Variants in ATP13A5 observed in about 807,000 individuals in gnomAD.
ATP13A5 encodes the protein ATPase 13A5.
Under a neutral mutation model 150.2 loss-of-function variants are expected in ATP13A5, and 149 were observed. The observed-to-expected ratio is 0.99, with a 90% CI of 0.87 to 1.14. The LOEUF is 1.14. Among genes scored for constraint, ATP13A5 ranks in the 50% most tolerant of loss-of-function variants. ATP13A5 has a pLI of 0.00. For missense variants in ATP13A5, 1,383 were observed against 1,449.3 expected (o/e 0.95, Z 0.74); for synonymous variants, 497 against 522.2 (o/e 0.95, Z 0.66).
chr3:193,319,217 G>T, intron 16 of ATP13A5, 109 bp from the exon 17 acceptor site: 1 of 757,650 alleles, frequency 1.3e-6, no homozygotes, highest in South Asian at 2.0e-5. Flanking sequence ...TTCCATAAAA[G>T]CACTTTAATA....
At chr3:193,371,716 C>G (rs1047917332) in intron 1 of ATP13A5, among the ~76,000 whole-genome samples, 9 of 152,172 alleles carry the variant, frequency 5.9e-5, no homozygotes, top group Admixed American at 5.2e-4. Context: ...GTAGAACCTC[C>G]CTTGCATCAG....
intron 26 of ATP13A5, among the ~76,000 whole-genome samples, chr3:193,287,203 T>G (rs1347645679): frequency 1.3e-5 from 2 of 152,144 alleles, no homozygotes; most frequent in Non-Finnish European, 2.9e-5. Context: ...CAAGTCTTGA[T>G]GTAGCAGCTG....
chr3:193,330,296 A>G (rs1200899214), intron 12 of ATP13A5, among the ~76,000 whole-genome samples: 1 of 152,214 alleles, frequency 6.6e-6, no homozygotes, highest in Non-Finnish European at 1.5e-5. Context: ...TTTCTCAGCT[A>G]GACTAGAAGC....
At chr3:193,326,593 T>G (rs1719474106) in intron 13 of ATP13A5, among the ~76,000 whole-genome samples, 1 of 152,202 alleles carries the variant, frequency 6.6e-6, no homozygotes, top group Non-Finnish European at 1.5e-5. Flanking sequence ...TAGTAACAAT[T>G]TTCATGGCCT....
chr3:193,286,148 C>T (rs1180285497), intron 26 of ATP13A5, among the ~76,000 whole-genome samples: 1 of 152,062 alleles, frequency 6.6e-6, no homozygotes, highest in South Asian at 2.1e-4. Flanking sequence ...AATAATTAAA[C>T]CTACAAATTA....
chr3:193,362,045 G>C (rs1243993045), intron 5 of ATP13A5, among the ~76,000 whole-genome samples: 1 of 152,088 alleles, frequency 6.6e-6, no homozygotes, highest in Admixed American at 6.6e-5. Context: ...TTGTCATTCT[G>C]TCTCTCCCAG....
chr3:193,361,125 A>G (rs1304163740), intron 5 of ATP13A5, among the ~76,000 whole-genome samples: 1 of 152,236 alleles, frequency 6.6e-6, no homozygotes, highest in Non-Finnish European at 1.5e-5. Flanking sequence ...TCTATCAACT[A>G]GAATTCTTAA....
intron 5 of ATP13A5, among the ~76,000 whole-genome samples, chr3:193,359,837 G>A (rs1217011434): frequency 6.6e-6 from 1 of 152,028 alleles, no homozygotes; most frequent in Non-Finnish European, 1.5e-5. Context: ...TGGTGGTGGT[G>A]CAGGGGGGCT....
chr3:193,324,878 C>T lies in ATP13A5; in HGVS notation c.1660G>A (p.Glu554Lys), dbSNP rs1719415118. 1 of 1,613,896 alleles carries T rather than the reference C, an allele frequency of 6.2e-7. No homozygotes were observed. Among genetic ancestry groups the T allele is most frequent in the South Asian group, 1.1e-5 (1 of 91,052 alleles). The change falls in exon 14 of 30, where the codon GAG (glutamate) becomes AAG (lysine). Residue 554 changes from glutamate (E) to lysine (K), a missense_variant. Physicochemically the swap from Glu to Lys is moderately conservative, Grantham distance 56. This residue lies in a region of ATP13A5 where 787 missense variants were observed against 771.9 expected (regional missense o/e 1.02). Coordinates refer to ENST00000342358, the MANE Select transcript of ATP13A5 (RefSeq NM_198505.4). ...QGDPLDLKMF[E>K]GTAWKMEDCI... Reference sequence around the variant, plus strand: ...TATCACCTTACCCAGGCAGTGCCCTCAAACATTTTGAGGTCCAGAGGGTCT... The same window carrying T: ...TATCACCTTACCCAGGCAGTGCCCTTAAACATTTTGAGGTCCAGAGGGTCT...
intron 23 of ATP13A5, among the ~76,000 whole-genome samples, chr3:193,302,119 T>C (rs1718424023): frequency 6.6e-6 from 1 of 152,128 alleles, no homozygotes; most frequent in African/African-American, 2.4e-5. Context: ...GCAATCCACA[T>C]GGGACGTGAC....
intron 10 of ATP13A5, 105 bp downstream of exon 10, chr3:193,334,824 A>G (rs1711783747): frequency 1.0e-6 from 1 of 992,380 alleles, no homozygotes; most frequent in Admixed American, 2.5e-5. Flanking sequence ...GCATGTTGTT[A>G]CTACCAGAAT....
At chr3:193,297,162 C>A (rs1718206030) in intron 25 of ATP13A5, among the ~76,000 whole-genome samples, 3 of 151,946 alleles carry the variant, frequency 2.0e-5, no homozygotes, top group Non-Finnish European at 4.4e-5. Flanking sequence ...AAAAATAAGT[C>A]CTTTCTTCTT....
In ATP13A5 at chr3:193,314,942, C is replaced by T. The variant is rs368821610; in HGVS notation, c.2158+30G>A. On this transcript the variant is annotated intron_variant, in intron 18 of 29. Transcript: ENST00000342358. ...GTTCTTATGCCTAGGATACAATCAACTTGCCAGGCCCCTAGAAACAAATAC... is the reference window on the plus strand; with the variant it reads ...GTTCTTATGCCTAGGATACAATCAATTTGCCAGGCCCCTAGAAACAAATAC... 9.0e-5 allele frequency: 144 copies of T among 1,607,184 alleles called. 1 individual carries two copies. Among genetic ancestry groups the T allele is most frequent in the Non-Finnish European group, 9.4e-5 (111 of 1,175,810 alleles).
intron 8 of ATP13A5, among the ~76,000 whole-genome samples, chr3:193,344,260 G>T (rs1391474635): frequency 6.6e-6 from 1 of 152,204 alleles, no homozygotes; most frequent in South Asian, 2.1e-4. Context: ...GATTAGCTAA[G>T]CAACAGGATC....
At position 193,363,231 on chromosome 3, in the gene ATP13A5, C is replaced by G. The variant is rs752322154; in HGVS notation, c.384+5G>C. ...GCATAACACCATACCCTTCAAGTAACTTACTTTTAATTCTGGCTTTATTAA... is the reference window on the plus strand; with the variant it reads ...GCATAACACCATACCCTTCAAGTAAGTTACTTTTAATTCTGGCTTTATTAA... On this transcript the variant is annotated splice_donor_5th_base_variant and intron_variant, in intron 3 of 29. Coordinates refer to ENST00000342358, the MANE Select transcript of ATP13A5 (RefSeq NM_198505.4). 8.7e-6 allele frequency: 14 copies of G among 1,611,750 alleles called. No homozygotes were observed. The highest frequency in any genetic ancestry group is 1.1e-5 in the Non-Finnish European group (13 of 1,178,978).
chr3:193,299,373 C>A (rs1265976263), intron 24 of ATP13A5, among the ~76,000 whole-genome samples, 170 bp from the exon 25 acceptor site: 1 of 152,038 alleles, frequency 6.6e-6, no homozygotes, highest in African/African-American at 2.4e-5. Flanking sequence ...TAGAATGAGG[C>A]CAGACGACTA....
Position 193,364,125 on chromosome 3 carries a change from A to G in ATP13A5, c.219T>C (p.Thr73=). 4 of 1,614,098 alleles carry G rather than the reference A, an allele frequency of 2.5e-6. No homozygotes were observed. The highest frequency in any genetic ancestry group is 3.4e-6 in the Non-Finnish European group (4 of 1,179,940). ...CACGCACTGTTGTCCTCAGCAAAAC[A>G]GTGTCTGCTTCTTGCAAGGGGCATG... The part of the protein sequence containing the change: ...CIPCPLQEAD[T]VLLRTTDEFQ... Residue 73 remains threonine (T), a synonymous_variant, in exon 2 of 30, where the codon ACT becomes ACC. Coordinates refer to ENST00000342358, the MANE Select transcript of ATP13A5 (RefSeq NM_198505.4).
intron 22 of ATP13A5, among the ~76,000 whole-genome samples, chr3:193,306,940 T>C (rs115178838): frequency 1.8e-3 from 276 of 152,302 alleles, no homozygotes; most frequent in Non-Finnish European, 3.2e-3. Flanking sequence ...AGTTTCAAAC[T>C]TCGTTTCATT....
Position 193,290,101 on chromosome 3 carries a change from T to C in ATP13A5, c.2849-42A>G, listed in dbSNP as rs201323495. The stretch of plus-strand genomic sequence containing the variant: ...TTTTTTTCCTATTACAATCTTATCA[T>C]TGAGAATAAAAGGTTGAGATTGAGA... On this transcript the variant is annotated intron_variant, in intron 25 of 29. Coordinates refer to ENST00000342358, the MANE Select transcript of ATP13A5 (RefSeq NM_198505.4). 1.1e-3 allele frequency: 1,767 copies of C among 1,546,324 alleles called. 1 individual carries two copies. Among genetic ancestry groups the C allele is most frequent in the Non-Finnish European group, 1.4e-3 (1,656 of 1,148,436 alleles).
Sources: gnomAD v4.1 joint callset for allele counts (sites outside exome capture counted in the v4.1 genomes callset) on GRCh38, gnomAD v4.1.1 for gene constraint, gnomAD v4.1.1 regional missense constraint, MANE v1.5 for transcripts, NCBI Gene and HGNC (gene_info 2026-07-23, HGNC 2026-07-21) for gene names.